PPOX: variants seen among roughly 807,000 people sequenced by gnomAD.
PPOX encodes variegate porphyria.
Under a neutral mutation model 54.1 loss-of-function variants are expected in PPOX, and 23 were observed. The observed-to-expected ratio is 0.43, with a 90% CI of 0.31 to 0.60. The LOEUF (loss-of-function observed/expected upper bound fraction) is 0.60, where lower values mean the gene tolerates loss of function less well. PPOX is among the 20% of genes least tolerant of loss of function. The pLI is 0.13. For synonymous variants in PPOX, 224 were observed against 236.1 expected, an observed-to-expected ratio of 0.95 and a Z score of 0.47; for missense variants, 512 against 601.1, an observed-to-expected ratio of 0.85 and a Z score of 1.55.
At chr1:161,172,675 C>T (rs182254328), downstream of PPOX, among the ~76,000 whole-genome samples, 2 of 133,768 alleles carry the variant, frequency 1.5e-5, no homozygotes, top group Admixed American at 1.5e-4. Context: ...CTGGGAGTTG[C>T]TGAGAATCTT....
chr1:161,166,976 T>C (rs1269003619), intron 2 of PPOX, 42 bp downstream of exon 2: 6 of 1,611,566 alleles, frequency 3.7e-6, no homozygotes, highest in African/African-American at 1.3e-5. Context: ...CATTTAATGC[T>C]CTTCCCATTT....
At chr1:161,172,139 T>A, downstream of PPOX, 1 of 1,612,234 alleles carries the variant, frequency 6.2e-7, no homozygotes, top group Non-Finnish European at 8.5e-7. Flanking sequence ...CAGCCAGAAA[T>A]CTAGGGACCT....
At chr1:161,168,154 C>T (rs989721494) in intron 5 of PPOX, 27 bp downstream of exon 5, 2 of 1,614,022 alleles carry the variant, frequency 1.2e-6, no homozygotes, top group African/African-American at 2.7e-5. Flanking sequence ...GGCCCCAAAC[C>T]TCTTCCCTCC....
chr1:161,173,925 T>C (rs769328177), downstream of PPOX: 3 of 1,614,088 alleles, frequency 1.9e-6, no homozygotes, highest in South Asian at 3.3e-5. Flanking sequence ...CACATACAGA[T>C]TGTGGTCATT....
At chr1:161,177,012 A>G (rs1478020288) in exon 5 of PPOX, 1 of 1,535,808 alleles carries the variant, frequency 6.5e-7, no homozygotes, top group Admixed American at 2.0e-5. Flanking sequence ...GTAAGCGAAC[A>G]GCCCCGGAGC....
At position 161,166,435 on chromosome 1, in the gene PPOX, G is replaced by C. The variant is rs114493458; in HGVS notation, c.-246G>C. The C allele has an allele frequency of 6.7e-6, 8 of 1,185,846 alleles. No homozygotes were observed. The highest frequency in any genetic ancestry group is 8.5e-6 in the Non-Finnish European group (8 of 944,922). The allele number at this position is 1,185,846 out of a possible 1,614,324, so 73.5% of individuals were successfully genotyped here. Reference sequence around the variant, plus strand: ...GCCGCGAGAACAGAGTGGACGGAGCGTAGGAGAGACCGAAAAGGCTGGGGG... The same window carrying C: ...GCCGCGAGAACAGAGTGGACGGAGCCTAGGAGAGACCGAAAAGGCTGGGGG... On this transcript the variant is annotated 5_prime_UTR_variant, in exon 1 of 13. Transcript: ENST00000367999.
At chr1:161,170,067 C>T (rs1235883530) in intron 9 of PPOX, 43 bp downstream of exon 9, 4 of 1,583,298 alleles carry the variant, frequency 2.5e-6, no homozygotes. Flanking sequence ...TGGCTCACAC[C>T]TGTAATCCCA....
chr1:161,172,336 G>A, downstream of PPOX: 1 of 1,612,976 alleles, frequency 6.2e-7, no homozygotes, highest in Non-Finnish European at 8.5e-7. Flanking sequence ...CGCACCCTAT[G>A]GGAAAAGTGA....
intron 5 of PPOX, 125 bp from the exon 6 acceptor site, chr1:161,168,307 C>T (rs941971844): frequency 1.1e-5 from 17 of 1,553,838 alleles, no homozygotes; most frequent in African/African-American, 9.5e-5. Flanking sequence ...CATTTCCATC[C>T]GTCACAGTGG....
intron 4 of PPOX, chr1:161,176,669 A>G: frequency 1.7e-6 from 1 of 601,048 alleles, no homozygotes; most frequent in South Asian, 2.1e-5. Context: ...GGCGAAGTGA[A>G]GGAAAGTGGT....
At chr1:161,171,427 C>A, downstream of PPOX, 2 of 637,658 alleles carry the variant, frequency 3.1e-6, no homozygotes, top group Non-Finnish European at 5.4e-6. Context: ...CTTCCTTCAC[C>A]AAACAACTTC....
exon 5 of PPOX, chr1:161,177,037 G>A: frequency 6.5e-7 from 1 of 1,536,028 alleles, no homozygotes. Flanking sequence ...CGGAGAGTAG[G>A]GTGGGGGTGG....
Position 161,170,669 on chromosome 1 carries a change from T to C in PPOX, c.1148T>C (p.Val383Ala), listed in dbSNP as rs1347848851. ...WLQTLEASGC[V>A]LSQELFQQRA... ...CAGACACTGGAGGCTAGTGGCTGTG[T>C]CTTATCTCAGGAGCTGTTTCAACAG... is the stretch of plus-strand genomic sequence containing the variant. The change falls in exon 11 of 13, where the codon GTC becomes GCC. Residue 383 changes from valine to alanine, a missense_variant. Coordinates refer to ENST00000367999, the MANE Select transcript of PPOX (RefSeq NM_001122764.3). The C allele has an allele frequency of 1.9e-6, 3 of 1,614,002 alleles. No individual in the cohort carries two copies. The East Asian group carries it at 6.7e-5, about 36-fold the overall frequency.
At chr1:161,169,211 C>T in intron 7 of PPOX, 28 bp downstream of exon 7, 3 of 1,610,424 alleles carry the variant, frequency 1.9e-6, no homozygotes, top group Non-Finnish European at 2.5e-6. Flanking sequence ...GTGTAATGAA[C>T]CTGTCAGTGT....
rs1175078608 is a variant in PPOX at position 161,169,072 on chromosome 1, T to A, written c.696T>A (p.Gly232=). Residue 232 remains glycine, a synonymous_variant, in exon 7 of 13, where the codon GGT becomes GGA. Coordinates refer to ENST00000367999, the MANE Select transcript of PPOX (RefSeq NM_001122764.3). ...GGAGCCAGTGGTCACTTCGTGGAGG[T>A]CTAGAGATGTTGCCTCAGGCCCTTG... The part of the protein sequence containing the change: ...ERWSQWSLRG[G]LEMLPQALET... The A allele has an allele frequency of 1.9e-6, 3 of 1,614,040 alleles. No individual in the cohort carries two copies. The highest frequency in any genetic ancestry group is 2.2e-5 in the South Asian group (2 of 91,066).
At chr1:161,171,937 C>G, downstream of PPOX, 1 of 1,614,030 alleles carries the variant, frequency 6.2e-7, no homozygotes, top group Non-Finnish European at 8.5e-7. Flanking sequence ...GTAACGTGGC[C>G]CAGAAGGAGC....
chr1:161,177,213 C>A (rs1663934022), downstream of PPOX: 2 of 772,276 alleles, frequency 2.6e-6, no homozygotes, highest in Non-Finnish European at 4.1e-6. Flanking sequence ...TAAAACCCAG[C>A]TCTTTCGGAG....
chr1:161,166,899 A>G lies in PPOX; in HGVS notation c.52A>G (p.Ser18Gly), dbSNP rs919552428. The G allele has an allele frequency of 6.2e-7, 1 of 1,613,656 alleles. No individual in the cohort carries two copies. Among genetic ancestry groups the G allele is most frequent in the African/African-American group, 1.3e-5 (1 of 75,054 alleles). ...LGGGISGLAA[S>G]YHLSRAPCPP... ...CGGAGGCATCAGCGGCTTGGCCGCC[A>G]GTTACCACCTGAGCCGGGCCCCCTG... The change falls in exon 2 of 13, where the codon AGT becomes GGT. Residue 18 changes from serine to glycine, a missense_variant. By Grantham distance (56) the Ser-to-Gly change is moderately conservative. Coordinates refer to ENST00000367999, the MANE Select transcript of PPOX (RefSeq NM_001122764.3).
downstream of PPOX, chr1:161,175,163 G>A (rs750006852): frequency 4.3e-5 from 70 of 1,613,612 alleles, no homozygotes; most frequent in Admixed American, 5.7e-4. Context: ...GGTTCTACCC[G>A]GGGATTCCGC....
Sources: gnomAD v4.1 joint callset for allele counts (sites outside exome capture counted in the v4.1 genomes callset) on GRCh38, gnomAD v4.1.1 for gene constraint, MANE v1.5 for transcripts, NCBI Gene and HGNC (gene_info 2026-07-23, HGNC 2026-07-21) for gene names.